The following MID2 variants were observed in gnomAD, a reference collection of about 807,000 sequenced individuals.
MID2 encodes the protein probable E3 ubiquitin-protein ligase MID2.
In MID2, 13 loss-of-function variants were observed where a neutral mutation model predicts 46.1. That is an observed-to-expected ratio of 0.28 (90% CI 0.18 to 0.45). The LOEUF is 0.45. Ranked by LOEUF, MID2 falls within the 20% of genes least tolerant of loss-of-function variation. MID2 has a pLI of 1.00. For synonymous variants in MID2, 199 were observed against 212.3 expected (o/e 0.94, Z 0.55); for missense variants, 431 against 575.4 (o/e 0.75, Z 2.57).
At chrX:107,878,919 G>A (rs1932261268) in intron 3 of MID2, among the ~76,000 whole-genome samples, 1 of 112,099 alleles carries the variant, frequency 8.9e-6, no homozygotes, top group Non-Finnish European at 1.9e-5. Context: ...GCAGGAACTC[G>A]AGTGCAGGGG....
At chrX:107,864,144 C>G (rs377541094) in intron 3 of MID2, among the ~76,000 whole-genome samples, 1 of 112,205 alleles carries the variant, frequency 8.9e-6, no homozygotes, top group South Asian at 3.8e-4. Flanking sequence ...TACTTGCCAC[C>G]GATTCATTTG....
chrX:107,915,430 C>T (rs954557378), intron 5 of MID2, among the ~76,000 whole-genome samples: 1 of 105,610 alleles, frequency 9.5e-6, no homozygotes, highest in South Asian at 3.9e-4. Flanking sequence ...GGTGGCGGGC[C>T]ACCAGCTAGG....
chrX:107,905,451 T>A, intron 4 of MID2, 27 bp from the exon 5 acceptor site: 2 of 1,159,191 alleles, frequency 1.7e-6, no homozygotes, highest in Non-Finnish European at 2.3e-6. Flanking sequence ...TTTTATCTTA[T>A]TTTTTTCTTT....
chrX:107,870,820 A>G (rs1000397602), intron 3 of MID2, among the ~76,000 whole-genome samples: 8 of 102,166 alleles, frequency 7.8e-5, no homozygotes, highest in African/African-American at 3.0e-4. Context: ...CTATATCTAT[A>G]AGTGTATCTC....
intron 3 of MID2, among the ~76,000 whole-genome samples, chrX:107,896,702 G>A (rs1218367173): frequency 8.0e-5 from 9 of 111,877 alleles, no homozygotes; most frequent in Admixed American, 4.7e-4. Flanking sequence ...AAGTCAGGAA[G>A]GAAATACACA....
intron 3 of MID2, among the ~76,000 whole-genome samples, chrX:107,863,320 G>A (rs914283639): frequency 9.0e-6 from 1 of 111,677 alleles, no homozygotes; most frequent in Non-Finnish European, 1.9e-5. Context: ...TGTTTTCCTC[G>A]CCCTCCTCCC....
chrX:107,866,723 C>T (rs762092858), intron 3 of MID2, among the ~76,000 whole-genome samples: 1 of 111,939 alleles, frequency 8.9e-6, no homozygotes, highest in Non-Finnish European at 1.9e-5. Context: ...TGAAGCATTG[C>T]CAAGCAATAT....
intron 3 of MID2, among the ~76,000 whole-genome samples, chrX:107,868,710 T>C (rs761850494): frequency 1.8e-5 from 2 of 111,250 alleles, no homozygotes; most frequent in African/African-American, 3.3e-5. Flanking sequence ...GGTTGAAGCT[T>C]TGTGGATGGT....
intron 3 of MID2, among the ~76,000 whole-genome samples, chrX:107,888,638 G>A (rs1376576622): frequency 8.9e-6 from 1 of 111,867 alleles, no homozygotes; most frequent in African/African-American, 3.3e-5. Flanking sequence ...AGGTCTGCTT[G>A]GTGCAGAGCT....
chrX:107,860,754 T>G (rs1254614854), intron 3 of MID2, among the ~76,000 whole-genome samples: 2 of 112,568 alleles, frequency 1.8e-5, no homozygotes, highest in African/African-American at 6.5e-5. Context: ...TACTGAGGAT[T>G]TCCTCTGTTC....
chrX:107,878,173 G>A (rs1423270700), intron 3 of MID2, among the ~76,000 whole-genome samples: 1 of 111,258 alleles, frequency 9.0e-6, no homozygotes, highest in Non-Finnish European at 1.9e-5. Context: ...CGGTGAGTGG[G>A]AAATGCTGGA....
intron 5 of MID2, among the ~76,000 whole-genome samples, chrX:107,906,372 A>G (rs1932835470): frequency 9.0e-6 from 1 of 111,079 alleles, no homozygotes; most frequent in African/African-American, 3.3e-5. Flanking sequence ...TTCAGCAACA[A>G]CCACATGGCT....
Position 107,887,771 on chromosome X carries a change from G to C in MID2, c.817-16187G>C, listed in dbSNP as rs759900994. Among the ~76,000 whole-genome samples, 458 of 111,781 alleles carry C rather than the reference G, an allele frequency of 4.1e-3. 2 individuals are homozygous for C. Among genetic ancestry groups the C allele is most frequent in the African/African-American group, 0.013 (395 of 30,769 alleles). ...TCCGATCCTGGACTTTTTTTGGTTT[G>C]TAAGCTATTAATTATTGCCTCAATT... is the stretch of plus-strand genomic sequence containing the variant. On this transcript the variant is annotated intron_variant, in intron 3 of 9. Transcript: ENST00000262843.
Position 107,930,869 on chromosome X carries a change from C to T in MID2, c.*3796C>T, listed in dbSNP as rs898694634. Among the ~76,000 whole-genome samples, 1 of 112,444 alleles carries T rather than the reference C, an allele frequency of 8.9e-6. No homozygotes were observed. Among genetic ancestry groups the T allele is most frequent in the Non-Finnish European group, 1.9e-5 (1 of 53,255 alleles). On this transcript the variant is annotated 3_prime_UTR_variant, in exon 10 of 10. Coordinates refer to ENST00000262843, the MANE Select transcript of MID2 (RefSeq NM_012216.4). ...GATTATTTTATGTCTGCAATTTATGCTTGTTTCCACTTTTTATATTGTCTT... is the reference window on the plus strand; with the variant it reads ...GATTATTTTATGTCTGCAATTTATGTTTGTTTCCACTTTTTATATTGTCTT...
Position 107,920,189 on chromosome X carries a change from G to A in MID2, c.1435+2450G>A, listed in dbSNP as rs1353084034. ...GCCTGCCACAGTTGACTGAACCTCC[G>A]TTCTGAGAGCTACTTTCCTTTGACG... is the stretch of plus-strand genomic sequence containing the variant. On this transcript the variant is annotated intron_variant, in intron 7 of 9. Coordinates refer to ENST00000262843, the MANE Select transcript of MID2 (RefSeq NM_012216.4). Among the ~76,000 whole-genome samples the A allele has an allele frequency of 2.7e-5, 3 of 112,294 alleles. No individual in the cohort carries two copies. The South Asian group carries it at 1.1e-3, about 41-fold the overall frequency.
intron 3 of MID2, among the ~76,000 whole-genome samples, chrX:107,869,288 A>G (rs995260902): frequency 2.7e-5 from 3 of 111,442 alleles, no homozygotes; most frequent in Non-Finnish European, 5.7e-5. Context: ...TTGGATTTCC[A>G]TATGTACTTG....
chrX:107,863,576 A>G (rs774992294), intron 3 of MID2, among the ~76,000 whole-genome samples: 2 of 112,184 alleles, frequency 1.8e-5, no homozygotes, highest in South Asian at 7.5e-4. Flanking sequence ...TATTTTCACA[A>G]TCCACCCAAA....
At chrX:107,887,916 G>T (rs1932498903) in intron 3 of MID2, among the ~76,000 whole-genome samples, 1 of 112,024 alleles carries the variant, frequency 8.9e-6, no homozygotes, top group South Asian at 3.7e-4. Context: ...TTGCTTAGAG[G>T]TGTTTATAGT....
intron 3 of MID2, among the ~76,000 whole-genome samples, chrX:107,888,906 G>T (rs1932527746): frequency 9.0e-6 from 1 of 111,153 alleles, no homozygotes; most frequent in African/African-American, 3.3e-5. Context: ...CTTTTTGTTG[G>T]TTTAAAGTCT....
Sources: gnomAD v4.1 joint callset for allele counts (sites outside exome capture counted in the v4.1 genomes callset) on GRCh38, gnomAD v4.1.1 for gene constraint, MANE v1.5 for transcripts, NCBI Gene and HGNC (gene_info 2026-07-23, HGNC 2026-07-21) for gene names.